Variants in CRY2 observed in about 807,000 individuals in gnomAD.
CRY2 encodes cryptochrome circadian regulator 2, also known as cryptochrome-2.
Under a neutral mutation model 69.5 loss-of-function variants are expected in CRY2, and 31 were observed. That is an observed-to-expected ratio of 0.45 (90% CI 0.34 to 0.60). The LOEUF (loss-of-function observed/expected upper bound fraction) is 0.60. Among genes scored for constraint, CRY2 ranks in the 20% least tolerant of loss-of-function variants. CRY2 has a pLI of 0.02. For synonymous variants in CRY2, 303 were observed against 312.2 expected (o/e 0.97, Z 0.31); for missense variants, 606 against 797.8 (o/e 0.76, Z 2.90).
intron 3 of CRY2, among the ~76,000 whole-genome samples, chr11:45,860,257 T>G (rs2086276371): frequency 6.6e-6 from 1 of 152,110 alleles, no homozygotes; most frequent in Admixed American, 6.6e-5. Flanking sequence ...GAACTCTAGC[T>G]CCAGTCTCTG....
At position 45,872,088 on chromosome 11, in the gene CRY2, A is replaced by G. The variant is rs375141927; in HGVS notation, c.1643-4A>G. ...GTGTGACCCTTTGACACGCTTCCCT[A>G]CAGGCCCAAGACCACTACCCAGTGG... On this transcript the variant is annotated splice_polypyrimidine_tract_variant and splice_region_variant and intron_variant, in intron 10 of 11. Coordinates refer to ENST00000616080, the MANE Select transcript of CRY2 (RefSeq NM_021117.5). The G allele has an allele frequency of 5.0e-6, 8 of 1,613,798 alleles. No homozygotes were observed. The highest frequency in any genetic ancestry group is 5.9e-6 in the Non-Finnish European group (7 of 1,179,890).
In CRY2 at chr11:45,869,524, C is replaced by T. The variant is rs762158138; in HGVS notation, c.901C>T (p.Pro301Ser). The change falls in exon 7 of 12, where the codon CCT becomes TCT. Residue 301 changes from proline to serine, a missense_variant. Around this residue, in one of 5 missense-constraint regions of CRY2, gnomAD observed 382 missense variants for 508.9 expected, o/e 0.75. Transcript: ENST00000616080. The stretch of plus-strand genomic sequence containing the variant: ...CTCTCAGGTGAAGCGGAACAGCACA[C>T]CTCCCCTCTCCCTATTTGGGCAACT... The part of the protein sequence containing the change: ...LYKKVKRNST[P>S]PLSLFGQLLW... The T allele has an allele frequency of 6.2e-7, 1 of 1,612,144 alleles. No individual in the cohort carries two copies. Among genetic ancestry groups the T allele is most frequent in the Admixed American group, 1.7e-5 (1 of 59,958 alleles).
intron 1 of CRY2, among the ~76,000 whole-genome samples, chr11:45,852,486 G>A (rs1274079615): frequency 6.6e-6 from 1 of 152,218 alleles, no homozygotes; most frequent in Non-Finnish European, 1.5e-5. Context: ...GGCCTCAAAG[G>A]TAGTACCCTA....
intron 3 of CRY2, among the ~76,000 whole-genome samples, chr11:45,859,613 G>A (rs2086270908): frequency 6.6e-6 from 1 of 151,932 alleles, no homozygotes; most frequent in Non-Finnish European, 1.5e-5. Context: ...GGGTTTCCAG[G>A]CCATGTTGCT....
rs574721122 is a variant in CRY2, at chr11:45,850,703, G to T, written c.215+2998G>T. On this transcript the variant is annotated intron_variant, in intron 1 of 11. Coordinates refer to ENST00000616080, the MANE Select transcript of CRY2 (RefSeq NM_021117.5). ...AAGAGTGGTCTAAGAGAATTGTGCT[G>T]CAGCATAATGTCCTAGCTCTGCAAC... Among the ~76,000 whole-genome samples the T allele has an allele frequency of 1.1e-4, 16 of 152,208 alleles. No individual in the cohort carries two copies. In the East Asian group the frequency reaches 2.9e-3, roughly 28 times the overall value.
intron 5 of CRY2, among the ~76,000 whole-genome samples, chr11:45,867,073 T>C (rs2086337119): frequency 6.6e-6 from 1 of 152,248 alleles, no homozygotes; most frequent in African/African-American, 2.4e-5. Context: ...AGTAATGTTA[T>C]ATGACACATG....
At chr11:45,859,203 C>T (rs2086266611) in intron 3 of CRY2, among the ~76,000 whole-genome samples, 1 of 152,102 alleles carries the variant, frequency 6.6e-6, no homozygotes. Context: ...TCAACAGCTG[C>T]CCTCTGACCT....
chr11:45,872,288 C>T, intron 11 of CRY2, 55 bp downstream of exon 11: 1 of 1,521,332 alleles, frequency 6.6e-7, no homozygotes, highest in Non-Finnish European at 9.1e-7. Context: ...AGTGGGGGGG[C>T]CTACTGCCCT....
chr11:45,847,158 G>C, upstream of CRY2: 2 of 1,543,826 alleles, frequency 1.3e-6, no homozygotes, highest in African/African-American at 2.7e-5. Flanking sequence ...ACGTGGGTAA[G>C]AGATCCGCTG....
chr11:45,860,767 G>C, intron 3 of CRY2, 81 bp from the exon 4 acceptor site: 1 of 1,501,132 alleles, frequency 6.7e-7, no homozygotes, highest in Non-Finnish European at 9.1e-7. Flanking sequence ...AGCCTTCAGA[G>C]TCTGGGTTCT....
chr11:45,860,839 G>C lies in CRY2; in HGVS notation c.468-9G>C. ...GTGGGTAACACTAGCTATGCTTTGG[G>C]CTCCCCAGGATCATTGAGCTGAATG... On this transcript the variant is annotated splice_polypyrimidine_tract_variant and intron_variant, in intron 3 of 11. Transcript: ENST00000616080. 1 of 1,613,130 alleles carries C rather than the reference G, an allele frequency of 6.2e-7. No homozygotes were observed. The highest frequency in any genetic ancestry group is 1.3e-5 in the African/African-American group (1 of 74,996).
intron 1 of CRY2, among the ~76,000 whole-genome samples, chr11:45,849,546 T>A (rs1436745664): frequency 6.6e-6 from 1 of 152,042 alleles, no homozygotes; most frequent in Non-Finnish European, 1.5e-5. Context: ...GAGCAGTGGT[T>A]CTCAATCTTG....
intron 6 of CRY2, 39 bp from the exon 7 acceptor site, chr11:45,869,467 G>A: frequency 6.4e-7 from 1 of 1,563,830 alleles, no homozygotes; most frequent in Admixed American, 1.7e-5. Flanking sequence ...CTAAGAGCTG[G>A]GCGAGTGTTT....
At chr11:45,856,118 A>G in intron 2 of CRY2, 28 bp downstream of exon 2, 1 of 1,557,292 alleles carries the variant, frequency 6.4e-7, no homozygotes, top group Non-Finnish European at 8.9e-7. Context: ...CAGAGAAGAC[A>G]GTGAGATTCT....
chr11:45,859,250 TGTTCACACAGGTCCA>T, intron 3 of CRY2, among the ~76,000 whole-genome samples: 1 of 152,292 alleles, frequency 6.6e-6, no homozygotes, highest in African/African-American at 2.4e-5. Context: ...AACAGACCTC[TGTTCACACAGGTCCA>T]GTTTTTGTAC....
At chr11:45,870,748 C>A in intron 9 of CRY2, 94 bp from the exon 10 acceptor site, 1 of 1,191,476 alleles carries the variant, frequency 8.4e-7, no homozygotes, top group South Asian at 1.3e-5. Context: ...GTGTCTTGCT[C>A]CTACCCTCCC....
intron 5 of CRY2, among the ~76,000 whole-genome samples, chr11:45,866,651 C>G (rs930435859): frequency 6.6e-6 from 1 of 152,176 alleles, no homozygotes; most frequent in Non-Finnish European, 1.5e-5. Context: ...CATGGCGAAA[C>G]CCCATGTCTA....
At position 45,869,602 on chromosome 11, in the gene CRY2, C is replaced by T. The variant is rs144419959; in HGVS notation, c.979C>T (p.Arg327Cys). ...TAATNNPRFD[R>C]MEGNPICIQI... Reference sequence around the variant, plus strand: ...AGCTACCAACAACCCCAGGTTTGACCGCATGGAGGGGAACCCCATCTGCAT... The same window carrying T: ...AGCTACCAACAACCCCAGGTTTGACTGCATGGAGGGGAACCCCATCTGCAT... Residue 327 changes from arginine to cysteine, a missense_variant, in exon 7 of 12, where the codon CGC becomes TGC. Around this residue, in one of 5 missense-constraint regions of CRY2, gnomAD observed 382 missense variants for 508.9 expected, o/e 0.75. Coordinates refer to ENST00000616080, the MANE Select transcript of CRY2 (RefSeq NM_021117.5). 24 of 1,614,126 alleles carry T rather than the reference C, an allele frequency of 1.5e-5. No individual in the cohort carries two copies. The highest frequency in any genetic ancestry group is 1.9e-5 in the Non-Finnish European group (22 of 1,180,046).
chr11:45,868,004 G>A (rs2086345117), intron 6 of CRY2: 1 of 498,308 alleles, frequency 2.0e-6, no homozygotes, highest in Non-Finnish European at 3.6e-6. Context: ...AGGCAGAAAA[G>A]CAGGCCTCAG....
Sources: gnomAD v4.1 joint callset for allele counts (sites outside exome capture counted in the v4.1 genomes callset) on GRCh38, gnomAD v4.1.1 for gene constraint, gnomAD v4.1.1 regional missense constraint, MANE v1.5 for transcripts, NCBI Gene and HGNC (gene_info 2026-07-23, HGNC 2026-07-21) for gene names.